Variants in ADGRB1 observed in about 807,000 individuals in gnomAD.
ADGRB1 encodes the protein brain-specific angiogenesis inhibitor 1.
In ADGRB1, 36 loss-of-function variants were observed where a neutral mutation model predicts 175.7. The observed-to-expected ratio is 0.20, with a 90% CI of 0.16 to 0.27. The LOEUF is 0.27. Among genes scored for constraint, ADGRB1 ranks in the 10% least tolerant of loss-of-function variants. The probability of loss-of-function intolerance (pLI) is 1.00; values close to 1 mark genes in which losing one functional copy is unlikely to be tolerated. For missense variants in ADGRB1, 1,731 were observed against 2,255.3 expected (o/e 0.77, Z 4.71); for synonymous variants, 1,054 against 979.4 (o/e 1.08, Z -1.42).
At position 142,498,779 on chromosome 8, in the gene ADGRB1, C is replaced by A. The variant is rs983713368; in HGVS notation, c.2675+7964C>A. On this transcript the variant is annotated intron_variant, in intron 17 of 30. Coordinates refer to ENST00000517894, the MANE Select transcript of ADGRB1 (RefSeq NM_001702.3). The stretch of plus-strand genomic sequence containing the variant: ...CCCCTCCCCTGCCCACACTACCCCT[C>A]CTGCCTCCATTCTTTTTCTTCTATA... Among the ~76,000 whole-genome samples the A allele has an allele frequency of 5.3e-5, 8 of 152,304 alleles. No homozygotes were observed. The South Asian group carries it at 6.2e-4, about 12-fold the overall frequency.
chr8:142,458,689 A>C (rs923145584), intron 1 of ADGRB1, among the ~76,000 whole-genome samples: 1 of 152,140 alleles, frequency 6.6e-6, no homozygotes, highest in African/African-American at 2.4e-5. Context: ...CACCTCGCAG[A>C]AGCTGGCCAG....
At chr8:142,515,645 T>G (rs1423493056) in intron 18 of ADGRB1, among the ~76,000 whole-genome samples, 2 of 152,116 alleles carry the variant, frequency 1.3e-5, no homozygotes, top group East Asian at 3.9e-4. Flanking sequence ...GTCTCCCACC[T>G]GTCCCTGTCC....
intron 1 of ADGRB1, among the ~76,000 whole-genome samples, chr8:142,456,559 C>G (rs1435260802): frequency 6.6e-6 from 1 of 152,186 alleles, no homozygotes; most frequent in Admixed American, 6.5e-5. Flanking sequence ...CAGCTTTCAC[C>G]TGCACTCACC....
intron 17 of ADGRB1, among the ~76,000 whole-genome samples, chr8:142,502,459 T>TG (rs1842656183): frequency 8.3e-6 from 1 of 119,782 alleles, no homozygotes; most frequent in African/African-American, 4.0e-5. Flanking sequence ...GATGGGGTGG[T>TG]GCAGTCATCA....
chr8:142,494,953 A>G (rs189178074), intron 17 of ADGRB1, among the ~76,000 whole-genome samples: 2 of 152,210 alleles, frequency 1.3e-5, no homozygotes, highest in East Asian at 1.9e-4. Flanking sequence ...CCATCCCTGT[A>G]TAGTTCCTTG....
intron 14 of ADGRB1, 72 bp downstream of exon 14, chr8:142,488,579 T>A: frequency 6.4e-7 from 1 of 1,566,242 alleles, no homozygotes; most frequent in Non-Finnish European, 8.7e-7. Flanking sequence ...GTCACCACCC[T>A]TCTGGAGTCT....
intron 13 of ADGRB1, among the ~76,000 whole-genome samples, chr8:142,486,599 C>T (rs760023411): frequency 6.6e-6 from 1 of 152,226 alleles, no homozygotes; most frequent in Non-Finnish European, 1.5e-5. Flanking sequence ...GGCATTCAGA[C>T]GTGTCTGGTG....
At chr8:142,469,239 GCA>G (rs1840460276) in intron 2 of ADGRB1, among the ~76,000 whole-genome samples, 1 of 151,950 alleles carries the variant, frequency 6.6e-6, no homozygotes. Context: ...GTGAATGTGT[GCA>G]CACATGCATG....
At chr8:142,515,960 G>C (rs761552475) in intron 18 of ADGRB1, among the ~76,000 whole-genome samples, 1 of 152,226 alleles carries the variant, frequency 6.6e-6, no homozygotes, top group Non-Finnish European at 1.5e-5. Flanking sequence ...GGGGTAGTTC[G>C]AGGGGCCTGT....
chr8:142,529,625 T>A (rs1388417969), intron 24 of ADGRB1, among the ~76,000 whole-genome samples: 1 of 151,922 alleles, frequency 6.6e-6, no homozygotes, highest in Non-Finnish European at 1.5e-5. Context: ...CCAGTGTGCA[T>A]ACGTGTGAGC....
At chr8:142,483,440 G>T (rs1443353057) in intron 11 of ADGRB1, among the ~76,000 whole-genome samples, 2 of 133,856 alleles carry the variant, frequency 1.5e-5, no homozygotes, top group African/African-American at 5.7e-5. Context: ...CTGGTCACAT[G>T]CTGAGTCCTG....
chr8:142,466,092 G>A (rs1840261302), intron 2 of ADGRB1, among the ~76,000 whole-genome samples: 1 of 152,194 alleles, frequency 6.6e-6, no homozygotes, highest in African/African-American at 2.4e-5. Context: ...CCAGGGTTTT[G>A]GTGTTAGCAT....
intron 2 of ADGRB1, among the ~76,000 whole-genome samples, chr8:142,471,436 T>C (rs1018474056): frequency 1.1e-4 from 17 of 152,184 alleles, no homozygotes; most frequent in Non-Finnish European, 4.4e-5. Flanking sequence ...CAGAGACTTG[T>C]CCAAGGTCTC....
chr8:142,524,393 C>A, intron 23 of ADGRB1, 89 bp downstream of exon 23: 1 of 1,353,708 alleles, frequency 7.4e-7, no homozygotes, highest in Non-Finnish European at 1.0e-6. Context: ...ATGCCCCAGG[C>A]TGTGCACCTG....
intron 13 of ADGRB1, among the ~76,000 whole-genome samples, chr8:142,485,587 C>T (rs1198728496): frequency 2.0e-5 from 3 of 152,228 alleles, no homozygotes; most frequent in African/African-American, 4.8e-5. Flanking sequence ...TGTGGGGATG[C>T]TTCACCTTTA....
At chr8:142,478,664 G>A (rs1424052230) in intron 7 of ADGRB1, among the ~76,000 whole-genome samples, 2 of 151,580 alleles carry the variant, frequency 1.3e-5, no homozygotes, top group East Asian at 3.9e-4. Context: ...TGGAGGGTGG[G>A]GTGGCTGTGG....
rs924387028 is a variant in ADGRB1, at chr8:142,511,373, G to A, written c.2817+300G>A. On this transcript the variant is annotated intron_variant, in intron 18 of 30. Coordinates refer to ENST00000517894, the MANE Select transcript of ADGRB1 (RefSeq NM_001702.3). The surrounding 1 kb of genome is among the most constrained non-coding windows in gnomAD (Gnocchi z 4.5). ...GCCTTGGAGGCCCGGGATCTCCGAG[G>A]GAGCCTGGGCCTGGGGAGAGGCTGG... Among the ~76,000 whole-genome samples, 1 of 152,110 alleles carries A rather than the reference G, an allele frequency of 6.6e-6. No homozygotes were observed. Among genetic ancestry groups the A allele is most frequent in the African/African-American group, 2.4e-5 (1 of 41,448 alleles).
chr8:142,465,103 AG>A, intron 2 of ADGRB1, 121 bp downstream of exon 2: 1 of 189,478 alleles, frequency 5.3e-6, no homozygotes, highest in Non-Finnish European at 9.5e-6. Flanking sequence ...GGGCAGGCGG[AG>A]GTGGGTGGGT....
At position 142,498,107 on chromosome 8, in the gene ADGRB1, G is replaced by A. The variant is rs111385469; in HGVS notation, c.2675+7292G>A. On this transcript the variant is annotated intron_variant, in intron 17 of 30. Coordinates refer to ENST00000517894, the MANE Select transcript of ADGRB1 (RefSeq NM_001702.3). ...CTGGGACCCCATCTGTCCCTGCCCA[G>A]TGCCCTCTTCTCCACGTGCTCCAGG... is the stretch of plus-strand genomic sequence containing the variant. Among the ~76,000 whole-genome samples, 747 of 152,218 alleles carry A rather than the reference G, an allele frequency of 4.9e-3. 5 individuals carry two copies. Among genetic ancestry groups the A allele is most frequent in the African/African-American group, 0.016 (685 of 41,544 alleles).
Sources: gnomAD v4.1 joint callset for allele counts (sites outside exome capture counted in the v4.1 genomes callset) on GRCh38, gnomAD v4.1.1 for gene constraint, Gnocchi (gnomAD v3.1) non-coding constraint, MANE v1.5 for transcripts, NCBI Gene and HGNC (gene_info 2026-07-23, HGNC 2026-07-21) for gene names.